XYLT1: variants seen among roughly 807,000 people sequenced by gnomAD.
XYLT1 encodes beta-D-xylosyltransferase 1.
In XYLT1, 36 loss-of-function variants were observed where a neutral mutation model predicts 91.3. The ratio of observed to expected loss-of-function variants is 0.39; its 90% confidence interval spans 0.30 to 0.52. The LOEUF is 0.52. XYLT1 is among the 20% of genes least tolerant of loss of function. The probability of loss-of-function intolerance (pLI) is 0.68; values close to 1 mark genes in which losing one functional copy is unlikely to be tolerated. For missense variants in XYLT1, 1,242 were observed against 1,284.5 expected (o/e 0.97, Z 0.51); for synonymous variants, 588 against 532.0 (o/e 1.11, Z -1.45).
intron 9 of XYLT1, among the ~76,000 whole-genome samples, chr16:17,132,592 A>AG (rs2030528200): frequency 6.6e-6 from 1 of 151,744 alleles, no homozygotes; most frequent in African/African-American, 2.4e-5. Flanking sequence ...CAGTTAGTAC[A>AG]TAAAATGCTG....
intron 1 of XYLT1, among the ~76,000 whole-genome samples, chr16:17,435,310 G>A (rs2036442673): frequency 1.3e-5 from 2 of 152,216 alleles, no homozygotes; most frequent in Admixed American, 1.3e-4. Context: ...GGGGCTGACA[G>A]CGGGCCTCAG....
intron 2 of XYLT1, among the ~76,000 whole-genome samples, chr16:17,264,661 A>G (rs1307768115): frequency 1.3e-5 from 2 of 152,310 alleles, no homozygotes; most frequent in African/African-American, 4.8e-5. Flanking sequence ...AATAACCATC[A>G]TATGCCCAGC....
Position 17,120,634 on chromosome 16 carries a change from T to C in XYLT1, c.2224-2655A>G, listed in dbSNP as rs146845372. On this transcript the variant is annotated intron_variant, in intron 10 of 11. Coordinates refer to ENST00000261381, the MANE Select transcript of XYLT1 (RefSeq NM_022166.4). ...CTGAGGTACATATCTAAGCATTTGA[T>C]CATCATAGCTTTTCTCCTGACCCCC... Among the ~76,000 whole-genome samples the C allele has an allele frequency of 4.8e-4, 73 of 152,158 alleles. No homozygotes were observed. In the East Asian group the frequency reaches 0.012, roughly 24 times the overall value.
At chr16:17,426,858 G>A (rs2036325075) in intron 1 of XYLT1, among the ~76,000 whole-genome samples, 1 of 152,176 alleles carries the variant, frequency 6.6e-6, no homozygotes, top group Non-Finnish European at 1.5e-5. Flanking sequence ...AAAAGGGAAG[G>A]CCACTGTAAA....
chr16:17,198,831 A>G (rs1022204485), intron 4 of XYLT1, among the ~76,000 whole-genome samples: 6 of 152,094 alleles, frequency 3.9e-5, no homozygotes, highest in Non-Finnish European at 8.8e-5. Flanking sequence ...TGCAACCTCC[A>G]CCACCCAAGT....
chr16:17,127,603 G>T, intron 10 of XYLT1, 63 bp downstream of exon 10: 1 of 1,537,738 alleles, frequency 6.5e-7, no homozygotes, highest in Non-Finnish European at 8.8e-7. Flanking sequence ...TCAGATAGTG[G>T]AGTAGAATCT....
intron 2 of XYLT1, among the ~76,000 whole-genome samples, chr16:17,306,557 G>GAT (rs35971345): frequency 0.093 from 13,605 of 146,388 alleles, 680 homozygotes; most frequent in South Asian, 0.17. Context: ...TGTCACAAAA[G>GAT]ATATATATAT....
At chr16:17,383,764 TGAGACGGA>T (rs2035713344) in intron 1 of XYLT1, among the ~76,000 whole-genome samples, 2 of 151,194 alleles carry the variant, frequency 1.3e-5, no homozygotes, top group African/African-American at 2.4e-5. Flanking sequence ...TTTTTTTTTT[TGAGACGGA>T]GTTTCACTCT....
rs557655428 is a variant in XYLT1, at chr16:17,416,124, T to C, written c.363+54310A>G. Among the ~76,000 whole-genome samples, 30 of 152,326 alleles carry C rather than the reference T, an allele frequency of 2.0e-4. No homozygotes were observed. In the South Asian group the frequency reaches 5.6e-3, roughly 28 times the overall value. On this transcript the variant is annotated intron_variant, in intron 1 of 11. Coordinates refer to ENST00000261381, the MANE Select transcript of XYLT1 (RefSeq NM_022166.4). ...TGCTGTGGCGCTGTCCTGCACTCTG[T>C]AGAATAAGATGTTTAGTGGCACCCC...
At chr16:17,242,465 A>G (rs923084721) in intron 3 of XYLT1, among the ~76,000 whole-genome samples, 3 of 152,204 alleles carry the variant, frequency 2.0e-5, no homozygotes, top group African/African-American at 7.2e-5. Flanking sequence ...ACCCTAGAGT[A>G]AAGGTCAAAT....
chr16:17,428,479 C>G (rs982078241), intron 1 of XYLT1, among the ~76,000 whole-genome samples: 1 of 152,148 alleles, frequency 6.6e-6, no homozygotes, highest in African/African-American at 2.4e-5. Flanking sequence ...AAGAGATGCA[C>G]CTGACTTGGC....
chr16:17,180,771 A>G (rs2032050122), intron 5 of XYLT1, among the ~76,000 whole-genome samples: 1 of 152,176 alleles, frequency 6.6e-6, no homozygotes, highest in South Asian at 2.1e-4. Context: ...GAGACACTCC[A>G]TCTGACCTTC....
intron 5 of XYLT1, among the ~76,000 whole-genome samples, chr16:17,165,912 A>T (rs1421901448): frequency 6.6e-6 from 1 of 152,226 alleles, no homozygotes; most frequent in East Asian, 1.9e-4. Context: ...CAGAAAGCAA[A>T]CTACACGGAA....
intron 2 of XYLT1, among the ~76,000 whole-genome samples, chr16:17,286,781 C>T (rs1567357259): frequency 1.3e-5 from 2 of 152,180 alleles, no homozygotes; most frequent in African/African-American, 2.4e-5. Context: ...GTATAGCCAT[C>T]GTTGATTGTG....
intron 1 of XYLT1, among the ~76,000 whole-genome samples, chr16:17,361,024 A>G (rs1303916591): frequency 2.0e-5 from 3 of 152,176 alleles, no homozygotes; most frequent in Non-Finnish European, 4.4e-5. Context: ...GGTGGCCCTC[A>G]TTCGTCACAG....
At chr16:17,166,328 G>T (rs139958067) in intron 5 of XYLT1, among the ~76,000 whole-genome samples, 1 of 152,186 alleles carries the variant, frequency 6.6e-6, no homozygotes, top group Admixed American at 6.5e-5. Flanking sequence ...GTAGTCCTGG[G>T]ATGAGCAGGC....
At chr16:17,460,858 T>G (rs2036810731) in intron 1 of XYLT1, among the ~76,000 whole-genome samples, 1 of 152,144 alleles carries the variant, frequency 6.6e-6, no homozygotes, top group Admixed American at 6.5e-5. Context: ...GGGCCATGGA[T>G]TTGAAAGTCC....
rs551514949 is a variant in XYLT1, at chr16:17,299,789, G to A, written c.403-40291C>T. 5.3e-5 allele frequency among the ~76,000 whole-genome samples: 8 copies of A among 152,292 alleles called. No homozygotes were observed. The South Asian group carries it at 1.4e-3, about 28-fold the overall frequency. On this transcript the variant is annotated intron_variant, in intron 2 of 11. Transcript: ENST00000261381. ...GGTCTGCAGAATGAGACTGGTTCGAGTTCTTAGAGAAAAGTTTCAGAAAGA... is the reference window on the plus strand; with the variant it reads ...GGTCTGCAGAATGAGACTGGTTCGAATTCTTAGAGAAAAGTTTCAGAAAGA...
intron 3 of XYLT1, among the ~76,000 whole-genome samples, chr16:17,224,103 T>G (rs1311523963): frequency 6.6e-6 from 1 of 152,132 alleles, no homozygotes; most frequent in Non-Finnish European, 1.5e-5. Context: ...TTTCCCAAAG[T>G]GGAAAATGGA....
Sources: allele counts gnomAD v4.1 joint callset (sites outside exome capture counted in the v4.1 genomes callset), GRCh38; gene constraint gnomAD v4.1.1; transcripts MANE v1.5; gene names NCBI Gene and HGNC (gene_info 2026-07-23, HGNC 2026-07-21).